The following MMEL1 variants were observed in gnomAD, a reference collection of about 807,000 sequenced individuals.
MMEL1 encodes membrane metallo-endopeptidase-like 1.
Under a neutral mutation model 117.1 loss-of-function variants are expected in MMEL1, and 98 were observed. The observed-to-expected ratio is 0.84, with a 90% CI of 0.71 to 0.99. The LOEUF is 0.99. Among genes scored for constraint, MMEL1 ranks in the 50% least tolerant of loss-of-function variants. The pLI is 0.00. For missense variants in MMEL1, 1,014 were observed against 1,049.1 expected (o/e 0.97, Z 0.46); for synonymous variants, 390 against 415.1 (o/e 0.94, Z 0.74).
Position 2,594,241 on chromosome 1 carries a change from G to A in MMEL1, c.1747+144C>T, listed in dbSNP as rs1369207685. 4 of 968,386 alleles carry A rather than the reference G, an allele frequency of 4.1e-6. No individual in the cohort carries two copies. The East Asian group carries it at 1.0e-4, about 25-fold the overall frequency. 60.0% of individuals were successfully genotyped at this position (968,386 alleles called of 1,614,324 possible). A position where few individuals can be genotyped will look rare whatever the true frequency, so the allele number is the denominator to read the frequency against. ...GGCACGGGAGTGAGTGTTCCCCACG[G>A]GGGCAGCAAGGGGTGACATAGGAGA... is the stretch of plus-strand genomic sequence containing the variant. On this transcript the variant is annotated intron_variant, in intron 18 of 23. Transcript: ENST00000378412.
At chr1:2,594,118 C>T (rs892473265) in intron 18 of MMEL1, 185 bp from the exon 19 acceptor site, 1 of 862,790 alleles carries the variant, frequency 1.2e-6, no homozygotes, top group Non-Finnish European at 1.7e-6. Context: ...TCGTGCCTGG[C>T]AGACCCAGGA....
intron 2 of MMEL1, 46 bp downstream of exon 2, chr1:2,629,285 G>A: frequency 6.7e-7 from 1 of 1,503,746 alleles, no homozygotes; most frequent in Non-Finnish European, 8.9e-7. Flanking sequence ...GGGCGAGCGC[G>A]GAGAGCGGGC....
Position 2,618,669 on chromosome 1 carries a change from A to T in MMEL1, c.155-6465T>A, listed in dbSNP as rs181086037. 7.9e-4 allele frequency among the ~76,000 whole-genome samples: 121 copies of T among 152,354 alleles called. 1 individual carries two copies. The highest frequency in any genetic ancestry group is 2.7e-3 in the African/African-American group (112 of 41,582). On this transcript the variant is annotated intron_variant, in intron 2 of 23. Transcript: ENST00000378412. ...TCTCGCGGAGAAGCCAATTTAAAGA[A>T]ACTCCAGGCTGGTAGTGTCCTAAGG...
intron 7 of MMEL1, among the ~76,000 whole-genome samples, chr1:2,606,571 G>T (rs1198352353): frequency 6.6e-6 from 1 of 152,190 alleles, no homozygotes; most frequent in African/African-American, 2.4e-5. Context: ...TGACCGGAGG[G>T]GGTTGGGAGC....
Position 2,596,653 on chromosome 1 carries a change from G to A in MMEL1, c.1309C>T (p.Arg437Cys), listed in dbSNP as rs756379955. 1.2e-5 allele frequency: 19 copies of A among 1,612,958 alleles called. No homozygotes were observed. In the African/African-American group the frequency reaches 1.5e-4, roughly 12 times the overall value. Residue 437 changes from arginine to cysteine, a missense_variant, in exon 14 of 24, where the codon CGT (arginine) becomes TGT (cysteine). Arg to Cys is a radical substitution (Grantham distance 180). Coordinates refer to ENST00000378412, the MANE Select transcript of MMEL1 (RefSeq NM_033467.4). ...CTGTTGACGTAGCCCACACATTCAC[G>A]CCAGCGCACCTCCTCCACCATTGTG... is the stretch of plus-strand genomic sequence containing the variant. ...FGTMVEEVRW[R>C]ECVGYVNSNM...
Position 2,596,602 on chromosome 1 carries a change from G to A in MMEL1, c.1360C>T (p.Leu454Phe), listed in dbSNP as rs1351906648. 6.2e-7 allele frequency: 1 copy of A among 1,612,858 alleles called. No homozygotes were observed. ...NSNMENAVGS[L>F]YVREAFPGDS... ...CCAGGGAACGCCTCCCTGACGTAGA[G>A]GGAGCCCACGGCGTTCTCCATGTTG... Residue 454 changes from leucine (L) to phenylalanine (F), a missense_variant, in exon 14 of 24, where the codon CTC becomes TTC. Leu to Phe is a conservative substitution (Grantham distance 22). Transcript: ENST00000378412.
At position 2,629,490 on chromosome 1, in the gene MMEL1, G is replaced by C; in HGVS notation, c.-6C>G. On this transcript the variant is annotated 5_prime_UTR_variant, in exon 2 of 24. Transcript: ENST00000378412. ...GGGCCTTCGGACTTCCCCATCAGCA[G>C]GGCTCTGGACGGGAGAGCACCGCGG... 1 of 1,501,758 alleles carries C rather than the reference G, an allele frequency of 6.7e-7. No homozygotes were observed. Among genetic ancestry groups the C allele is most frequent in the Non-Finnish European group, 8.9e-7 (1 of 1,124,422 alleles). The allele number at this position is 1,501,758 out of a possible 1,614,324, so 93.0% of individuals were successfully genotyped here.
intron 21 of MMEL1, 120 bp from the exon 22 acceptor site, chr1:2,592,147 G>T: frequency 1.3e-6 from 1 of 764,496 alleles, no homozygotes; most frequent in Non-Finnish European, 2.1e-6. Flanking sequence ...TCCTGCTGCT[G>T]CAAGGGCCCT....
chr1:2,594,502 C>T (rs1644799626), intron 17 of MMEL1, 59 bp from the exon 18 acceptor site: 3 of 1,533,644 alleles, frequency 2.0e-6, no homozygotes, highest in Non-Finnish European at 2.7e-6. Flanking sequence ...CCTCTGGGCT[C>T]TCTCTGCCTT....
At chr1:2,592,294 TGAG>T (rs1373214717) in intron 21 of MMEL1, among the ~76,000 whole-genome samples, 3 of 88,982 alleles carry the variant, frequency 3.4e-5, no homozygotes, top group Admixed American at 1.1e-4. Context: ...CCCCCTCCCC[TGAG>T]GCACTGGTGC....
intron 2 of MMEL1, among the ~76,000 whole-genome samples, chr1:2,613,428 C>G (rs1013352855): frequency 1.3e-5 from 2 of 152,182 alleles, no homozygotes; most frequent in Admixed American, 1.3e-4. Flanking sequence ...GACATCACCT[C>G]TGACCAAAGT....
At chr1:2,611,638 A>G (rs1164203462) in intron 3 of MMEL1, among the ~76,000 whole-genome samples, 1 of 152,126 alleles carries the variant, frequency 6.6e-6, no homozygotes, top group African/African-American at 2.4e-5. Context: ...TGAGGCCTTC[A>G]GTGATAGTGA....
Position 2,632,945 on chromosome 1 carries a change from C to G in MMEL1, c.-117G>C. 1 of 985,848 alleles carries G rather than the reference C, an allele frequency of 1.0e-6. No homozygotes were observed. Among genetic ancestry groups the G allele is most frequent in the Non-Finnish European group, 1.2e-6 (1 of 830,208 alleles). The allele number at this position is 985,848 out of a possible 1,614,324, so 61.1% of individuals were successfully genotyped here. ...CCCAGTGGGTTGGAGTTGGGGTGAG[C>G]TGGGCCAAGTGGGTGGATTTCCAGG... On this transcript the variant is annotated 5_prime_UTR_variant, in exon 1 of 24. Coordinates refer to ENST00000378412, the MANE Select transcript of MMEL1 (RefSeq NM_033467.4).
At chr1:2,628,827 C>A (rs1638395321) in intron 2 of MMEL1, among the ~76,000 whole-genome samples, 1 of 152,180 alleles carries the variant, frequency 6.6e-6, no homozygotes, top group African/African-American at 2.4e-5. Context: ...GTGACCTGAC[C>A]CGGCCTTGAG....
intron 2 of MMEL1, among the ~76,000 whole-genome samples, chr1:2,617,450 A>G (rs906571230): frequency 1.5e-5 from 2 of 132,136 alleles, no homozygotes; most frequent in South Asian, 2.5e-4. Context: ...AAAAAAAAAA[A>G]TTAGTCAGGC....
Position 2,612,278 on chromosome 1 carries a change from T to A in MMEL1, c.155-74A>T. 1 of 1,266,766 alleles carries A rather than the reference T, an allele frequency of 7.9e-7. No homozygotes were observed. The highest frequency in any genetic ancestry group is 1.1e-6 in the Non-Finnish European group (1 of 891,736). The allele number at this position is 1,266,766 out of a possible 1,614,324, so 78.5% of individuals were successfully genotyped here. A position where few individuals can be genotyped will look rare whatever the true frequency, so the allele number is the denominator to read the frequency against. On this transcript the variant is annotated intron_variant, in intron 2 of 23. Transcript: ENST00000378412. This position sits in a 1 kb window ranked among gnomAD's most constrained non-coding sequence, Gnocchi z 5.4. ...TGGGGGTGCTGGGGGCCTCCCTGGG[T>A]CAGCACGCCATCTTCCCACAGTGCT...
intron 2 of MMEL1, among the ~76,000 whole-genome samples, chr1:2,616,511 A>G (rs1175177494): frequency 6.6e-6 from 1 of 152,224 alleles, no homozygotes; most frequent in African/African-American, 2.4e-5. Context: ...ATAATTCTAT[A>G]CCCAGCAAAA....
chr1:2,591,426 CT>C, intron 23 of MMEL1, 130 bp downstream of exon 23: 1 of 765,546 alleles, frequency 1.3e-6, no homozygotes, highest in East Asian at 2.5e-5. Flanking sequence ...CCAGAAGCCC[CT>C]CTCAGGTTTA....
At chr1:2,631,820 A>G (rs1638601313) in intron 1 of MMEL1, among the ~76,000 whole-genome samples, 1 of 152,048 alleles carries the variant, frequency 6.6e-6, no homozygotes, top group Admixed American at 6.5e-5. Context: ...AGCCCATCTC[A>G]GTCGGACCCT....
Sources: gnomAD v4.1 joint callset for allele counts (sites outside exome capture counted in the v4.1 genomes callset) on GRCh38, gnomAD v4.1.1 for gene constraint, Gnocchi (gnomAD v3.1) non-coding constraint, MANE v1.5 for transcripts, NCBI Gene and HGNC (gene_info 2026-07-23, HGNC 2026-07-21) for gene names.